Variants in LPP observed in about 807,000 individuals in gnomAD.
The protein encoded by LPP is lipoma-preferred partner.
In LPP, 38 loss-of-function variants were observed where a neutral mutation model predicts 60.4. The ratio of observed to expected loss-of-function variants is 0.63; its 90% CI spans 0.49 to 0.83. LPP has a LOEUF of 0.83. LPP is among the 40% of genes least tolerant of loss of function. The probability of loss-of-function intolerance (pLI) is 0.00; values close to 1 mark genes in which losing one functional copy is unlikely to be tolerated. For missense variants in LPP, 902 were observed against 783.6 expected, an observed-to-expected ratio of 1.15 and a Z score of -1.80; for synonymous variants, 328 against 290.8, an observed-to-expected ratio of 1.13 and a Z score of -1.30.
intron 7 of LPP, among the ~76,000 whole-genome samples, chr3:188,636,241 C>T (rs997454203): frequency 4.6e-5 from 7 of 152,178 alleles, no homozygotes; most frequent in African/African-American, 7.2e-5. Context: ...TTGCCTCACT[C>T]GGGAAGCGCA....
chr3:188,400,783 C>A (rs1782048254), intron 3 of LPP, among the ~76,000 whole-genome samples: 1 of 152,088 alleles, frequency 6.6e-6, no homozygotes, highest in Non-Finnish European at 1.5e-5. Context: ...TTATGAACTT[C>A]GAGTGAAACC....
intron 2 of LPP, among the ~76,000 whole-genome samples, chr3:188,336,529 G>C (rs1253264743): frequency 6.6e-6 from 1 of 152,184 alleles, no homozygotes; most frequent in African/African-American, 2.4e-5. Flanking sequence ...CCATGTAGTA[G>C]TGATTCTTGA....
chr3:188,554,784 C>A (rs1197638904), intron 6 of LPP, among the ~76,000 whole-genome samples: 2 of 152,060 alleles, frequency 1.3e-5, no homozygotes, highest in East Asian at 3.9e-4. Context: ...ATAAGAATAA[C>A]CAGAGGAGTC....
At chr3:188,237,024 T>C (rs1310740739) in intron 2 of LPP, among the ~76,000 whole-genome samples, 18 of 152,248 alleles carry the variant, frequency 1.2e-4, no homozygotes, top group Non-Finnish European at 1.5e-5. Flanking sequence ...GTCAGGCCTC[T>C]CAAACTTTGG....
At chr3:188,729,025 A>G (rs1719445468) in intron 8 of LPP, among the ~76,000 whole-genome samples, 1 of 152,184 alleles carries the variant, frequency 6.6e-6, no homozygotes, top group East Asian at 1.9e-4. Flanking sequence ...TATGATTATG[A>G]GAGGGAATGT....
intron 2 of LPP, among the ~76,000 whole-genome samples, chr3:188,288,192 A>G (rs1052544093): frequency 1.3e-5 from 2 of 152,204 alleles, no homozygotes; most frequent in Non-Finnish European, 2.9e-5. Context: ...GCCTCTTTGG[A>G]AAATTGTCCA....
intron 4 of LPP, among the ~76,000 whole-genome samples, chr3:188,427,079 G>A (rs1789577449): frequency 6.6e-6 from 1 of 152,082 alleles, no homozygotes; most frequent in African/African-American, 2.4e-5. Flanking sequence ...TTTTTGCAGT[G>A]GCTAGTACTG....
chr3:188,866,796 C>T (rs1008299670), intron 10 of LPP, among the ~76,000 whole-genome samples: 2 of 152,164 alleles, frequency 1.3e-5, no homozygotes, highest in African/African-American at 4.8e-5. Flanking sequence ...GCTGTGATGA[C>T]CCAGAGTTTT....
chr3:188,570,250 G>T (rs1833227528), intron 6 of LPP, among the ~76,000 whole-genome samples: 1 of 151,896 alleles, frequency 6.6e-6, no homozygotes, highest in Non-Finnish European at 1.5e-5. Flanking sequence ...TGCAGGTAAG[G>T]CACATAGACA....
At chr3:188,592,557 G>GTTTTTTTGTTTTTTTTTTTTTTTTT (rs1553936333) in intron 6 of LPP, among the ~76,000 whole-genome samples, 3 of 85,754 alleles carry the variant, frequency 3.5e-5, no homozygotes, top group African/African-American at 1.4e-4. Context: ...TTTTGTTTTT[G>GTTTTTTTGTTTTTTTTTTTTTTTTT]TTTTTTAAAT....
At chr3:188,789,041 C>T (rs369852244) in intron 9 of LPP, among the ~76,000 whole-genome samples, 213 of 151,942 alleles carry the variant, frequency 1.4e-3, no homozygotes, top group African/African-American at 5.0e-3. Flanking sequence ...CCACTAACCT[C>T]AGTTATTTTT....
intron 9 of LPP, among the ~76,000 whole-genome samples, chr3:188,771,054 CTATTA>C (rs1735786584): frequency 2.0e-5 from 3 of 152,204 alleles, no homozygotes; most frequent in Admixed American, 2.0e-4. Flanking sequence ...TTTGTACTAT[CTATTA>C]TAATATTGTT....
intron 2 of LPP, among the ~76,000 whole-genome samples, chr3:188,240,413 C>T (rs763869581): frequency 1.3e-5 from 2 of 150,120 alleles, no homozygotes; most frequent in Non-Finnish European, 3.0e-5. Flanking sequence ...TAAAGAGGAA[C>T]AAATGAAGAG....
At chr3:188,484,087 T>A (rs1192810523) in intron 4 of LPP, among the ~76,000 whole-genome samples, 1 of 152,190 alleles carries the variant, frequency 6.6e-6, no homozygotes, top group Non-Finnish European at 1.5e-5. Context: ...TTCTCCTGTC[T>A]CTCTACCAAG....
chr3:188,557,011 C>G (rs1055802268), intron 6 of LPP, among the ~76,000 whole-genome samples: 4 of 151,986 alleles, frequency 2.6e-5, no homozygotes, highest in Non-Finnish European at 5.9e-5. Context: ...TTAAAGTGAT[C>G]CTGAGGTATA....
At chr3:188,309,479 T>C (rs1377095388) in intron 2 of LPP, among the ~76,000 whole-genome samples, 1 of 152,116 alleles carries the variant, frequency 6.6e-6, no homozygotes, top group Non-Finnish European at 1.5e-5. Context: ...TGGGGACTGA[T>C]TGATGATCCC....
At position 188,871,596 on chromosome 3, in the gene LPP, A is replaced by G. The variant is rs189380465; in HGVS notation, c.1590-1047A>G. On this transcript the variant is annotated intron_variant, in intron 10 of 11. Transcript: ENST00000617246. ...TCATTATTTCTTTTTAAGTCTCACT[A>G]CAAATAGATAAATTTTTAACATCGT... Among the ~76,000 whole-genome samples, 22 of 152,362 alleles carry G rather than the reference A, an allele frequency of 1.4e-4. No homozygotes were observed. In the East Asian group the frequency reaches 3.7e-3, roughly 25 times the overall value.
Position 188,876,424 on chromosome 3 carries a change from A to G in LPP, c.*1945A>G. The stretch of plus-strand genomic sequence containing the variant: ...TTGACCACTGTCTTTTTCTTACCCT[A>G]GTTCTCTTATCTTTGATCGTATATT... On this transcript the variant is annotated 3_prime_UTR_variant, in exon 12 of 12. Coordinates refer to ENST00000617246, the MANE Select transcript of LPP (RefSeq NM_001375462.1). 1 of 194,620 alleles carries G rather than the reference A, an allele frequency of 5.1e-6. No homozygotes were observed. The highest frequency in any genetic ancestry group is 1.1e-5 in the Non-Finnish European group (1 of 93,328). 12.1% of individuals were successfully genotyped at this position (194,620 alleles called of 1,614,324 possible). A position where few individuals can be genotyped will look rare whatever the true frequency, so the allele number is the denominator to read the frequency against.
chr3:188,153,500 A>G (rs1167264167), upstream of LPP: 1 of 151,908 alleles, frequency 6.6e-6, no homozygotes, highest in Non-Finnish European at 1.5e-5. Flanking sequence ...AGGCTTTTCC[A>G]TTTTCCAGGA....
Sources: allele counts gnomAD v4.1 joint callset (sites outside exome capture counted in the v4.1 genomes callset), GRCh38; gene constraint gnomAD v4.1.1; transcripts MANE v1.5; gene names NCBI Gene and HGNC (gene_info 2026-07-23, HGNC 2026-07-21).